The following CCDC141 variants were observed in gnomAD, a reference collection of about 807,000 sequenced individuals.
CCDC141 encodes coiled-coil domain-containing protein 141.
A neutral mutation model predicts 181.0 loss-of-function variants in CCDC141; 168 were observed. The observed-to-expected ratio is 0.93, with a 90% CI of 0.82 to 1.05. The LOEUF (loss-of-function observed/expected upper bound fraction) is 1.05, where lower values mean the gene tolerates loss of function less well. Ranked by LOEUF, CCDC141 falls within the 50% of genes least tolerant of loss-of-function variation. The probability of loss-of-function intolerance (pLI) is 0.00; values close to 1 mark genes in which losing one functional copy is unlikely to be tolerated. For synonymous variants in CCDC141, 666 were observed against 642.3 expected, an observed-to-expected ratio of 1.04 and a Z score of -0.56; for missense variants, 1,902 against 1,788.5, an observed-to-expected ratio of 1.06 and a Z score of -1.14.
chr2:178,975,129 G>A lies in CCDC141; in HGVS notation c.454C>T (p.Gln152Ter), dbSNP rs2154380383. ...GCACTCTCAAACTCATGAGTATTCT[G>A]GAGGAAATCTTCAGCTTGGTCTATT... ...IKIDQAEDFL[Q>*]NTHEFESAES... Residue 152 changes from glutamine (Q) to a stop codon, truncating the protein, a stop_gained, in exon 4 of 24, where the codon CAG becomes TAG. Transcript: ENST00000443758. LOFTEE classifies it high-confidence loss of function. 6.6e-7 allele frequency: 1 copy of A among 1,515,682 alleles called. No individual in the cohort carries two copies. Among genetic ancestry groups the A allele is most frequent in the Non-Finnish European group, 8.9e-7 (1 of 1,121,210 alleles). The allele number at this position is 1,515,682 out of a possible 1,614,324, so 93.9% of individuals were successfully genotyped here. A position where few individuals can be genotyped will look rare whatever the true frequency, so the allele number is the denominator to read the frequency against.
chr2:178,912,289 C>A (rs1688250618), intron 7 of CCDC141, among the ~76,000 whole-genome samples: 1 of 152,038 alleles, frequency 6.6e-6, no homozygotes, highest in African/African-American at 2.4e-5. Flanking sequence ...AGAAGAGAAA[C>A]CAATTAATAC....
intron 5 of CCDC141, among the ~76,000 whole-genome samples, chr2:178,955,308 A>AATG (rs1322120944): frequency 6.6e-6 from 1 of 151,786 alleles, no homozygotes; most frequent in Non-Finnish European, 1.5e-5. Context: ...TAATAATAAT[A>AATG]ATAATAAACA....
chr2:179,006,696 T>C (rs1189507047), intron 2 of CCDC141, among the ~76,000 whole-genome samples: 2 of 152,154 alleles, frequency 1.3e-5, no homozygotes, highest in Non-Finnish European at 2.9e-5. Flanking sequence ...ACATATAATA[T>C]CTAAGACGTT....
Position 178,883,483 on chromosome 2 carries a change from G to T in CCDC141, c.1719+1418C>A, listed in dbSNP as rs569672275. Among the ~76,000 whole-genome samples the T allele has an allele frequency of 5.3e-5, 8 of 152,296 alleles. No individual in the cohort carries two copies. In the East Asian group the frequency reaches 1.5e-3, roughly 29 times the overall value. On this transcript the variant is annotated intron_variant, in intron 11 of 23. Transcript: ENST00000443758. ...AAGTCAGAAAGGACAAACCGGTTGA[G>T]TAAAAATGTAGAAAAGGATGCAGTG...
chr2:178,857,983 C>T (rs755149477), intron 17 of CCDC141, among the ~76,000 whole-genome samples: 2 of 152,058 alleles, frequency 1.3e-5, no homozygotes, highest in African/African-American at 2.4e-5. Context: ...AACTTTAAAG[C>T]CCTAGTGGAA....
chr2:178,837,322 TG>T lies in CCDC141; in HGVS notation c.3896del (p.Pro1299HisfsTer2), dbSNP rs893602478. The T allele has an allele frequency of 1.9e-6, 3 of 1,613,944 alleles. No individual in the cohort carries two copies. The African/African-American group carries it at 4.0e-5, about 22-fold the overall frequency. ...RPYLQFKAEP[P>X]LTSRGFVEKS... ...TTTCCACGAATCCTCTGGAGGTTAG[TG>T]GGGGCTCAGCTTTGAACTGGAGGTA... On this transcript the variant is annotated frameshift_variant, in exon 23 of 24. Transcript: ENST00000443758. LOFTEE classifies it high-confidence loss of function.
chr2:178,869,354 TA>T, intron 14 of CCDC141, 49 bp from the exon 15 acceptor site: 1 of 1,386,716 alleles, frequency 7.2e-7, no homozygotes, highest in African/African-American at 1.5e-5. Context: ...AGAACTTTTT[TA>T]CTTTACAACT....
chr2:178,919,912 T>C (rs1175000784), intron 6 of CCDC141, among the ~76,000 whole-genome samples: 1 of 152,244 alleles, frequency 6.6e-6, no homozygotes, highest in East Asian at 1.9e-4. Flanking sequence ...TCACTCTTAA[T>C]GGTATATAGA....
Position 178,961,339 on chromosome 2 carries a change from A to G in CCDC141, c.671T>C (p.Leu224Pro), listed in dbSNP as rs951272767. Residue 224 changes from leucine (L) to proline (P), a missense_variant, in exon 5 of 24, where the codon CTT becomes CCT. Transcript: ENST00000443758. Reference protein sequence around the residue: ...HSSCLKVDRLLELLQDRRRQL... With the variant: ...HSSCLKVDRLPELLQDRRRQL... ...TCTTCTCCTGTCTTGTAGAAGTTCA[A>G]GAAGGCGGTCAACCTTCAGACAGCT... 8 of 1,550,498 alleles carry G rather than the reference A, an allele frequency of 5.2e-6. No homozygotes were observed. The African/African-American group carries it at 1.1e-4, about 21-fold the overall frequency.
intron 6 of CCDC141, 47 bp downstream of exon 6, chr2:178,944,488 T>C: frequency 3.4e-6 from 3 of 870,188 alleles, no homozygotes; most frequent in Non-Finnish European, 5.1e-6. Context: ...TCAAGAAAAG[T>C]TAATGCATTT....
chr2:178,922,661 C>G (rs1275543562), intron 6 of CCDC141, among the ~76,000 whole-genome samples: 1 of 152,112 alleles, frequency 6.6e-6, no homozygotes, highest in Non-Finnish European at 1.5e-5. Context: ...GCAACTGGAC[C>G]AAAATAATAA....
In CCDC141 at chr2:178,905,991, CT is replaced by C. The variant is rs779986171; in HGVS notation, c.1093-491del. On this transcript the variant is annotated intron_variant, in intron 7 of 23. Transcript: ENST00000443758. ...AAATATTCAAGAAATTATGAATGTCCTTTTTTTCTCTTGCTTTTGCAGATAT... is the reference window on the plus strand; with the variant it reads ...AAATATTCAAGAAATTATGAATGTCCTTTTTTCTCTTGCTTTTGCAGATAT... 1.1e-3 allele frequency among the ~76,000 whole-genome samples: 164 copies of C among 152,224 alleles called. 2 individuals carry two copies. Among genetic ancestry groups the C allele is most frequent in the Admixed American group, 2.0e-3 (31 of 15,276 alleles).
chr2:178,856,678 T>C (rs1349996493), intron 17 of CCDC141, among the ~76,000 whole-genome samples: 1 of 152,126 alleles, frequency 6.6e-6, no homozygotes, highest in Non-Finnish European at 1.5e-5. Flanking sequence ...AACCTCTGCC[T>C]CCTGGGTTCA....
chr2:178,901,159 C>T (rs1489646601), intron 8 of CCDC141, among the ~76,000 whole-genome samples: 1 of 152,010 alleles, frequency 6.6e-6, no homozygotes, highest in Non-Finnish European at 1.5e-5. Flanking sequence ...GGTGATCTCC[C>T]CATGCGTGGC....
At chr2:178,996,007 G>A (rs867487666) in intron 2 of CCDC141, among the ~76,000 whole-genome samples, 2 of 151,810 alleles carry the variant, frequency 1.3e-5, no homozygotes, top group Non-Finnish European at 2.9e-5. Flanking sequence ...TATATTAAAA[G>A]TTTTAGATTC....
At chr2:178,939,211 G>A (rs1160965614) in intron 6 of CCDC141, among the ~76,000 whole-genome samples, 2 of 152,142 alleles carry the variant, frequency 1.3e-5, no homozygotes, top group African/African-American at 4.8e-5. Flanking sequence ...AGGGGCCCAT[G>A]CTGTCCCCAT....
chr2:178,879,726 GGAAGAGCT>G (rs1286049428), intron 11 of CCDC141, among the ~76,000 whole-genome samples: 10 of 152,148 alleles, frequency 6.6e-5, no homozygotes, highest in Admixed American at 1.3e-4. Flanking sequence ...GAGTAAATAG[GGAAGAGCT>G]TCCCAAAGGA....
intron 2 of CCDC141, among the ~76,000 whole-genome samples, chr2:178,986,165 C>T (rs145754212): frequency 0.036 from 5,525 of 152,162 alleles, 227 homozygotes; most frequent in African/African-American, 0.091. Flanking sequence ...GTTCAATATA[C>T]GCAAATCAAT....
chr2:178,949,977 C>T (rs1453300264), intron 5 of CCDC141, among the ~76,000 whole-genome samples: 1 of 152,208 alleles, frequency 6.6e-6, no homozygotes, highest in East Asian at 1.9e-4. Flanking sequence ...AATATGAAAT[C>T]AGATCTCTTT....
Sources: allele counts gnomAD v4.1 joint callset (sites outside exome capture counted in the v4.1 genomes callset), GRCh38; gene constraint gnomAD v4.1.1; transcripts MANE v1.5; gene names NCBI Gene and HGNC (gene_info 2026-07-23, HGNC 2026-07-21).